Variants in EFR3A observed in about 807,000 individuals in gnomAD.
EFR3A encodes the protein EFR3 homolog A.
Under a neutral mutation model 104.4 loss-of-function variants are expected in EFR3A, and 76 were observed. The ratio of observed to expected loss-of-function variants is 0.73; its 90% CI spans 0.60 to 0.88. The LOEUF (loss-of-function observed/expected upper bound fraction) is 0.88. Ranked by LOEUF, EFR3A falls within the 40% of genes least tolerant of loss-of-function variation. The probability of loss-of-function intolerance (pLI) is 0.00; values close to 1 mark genes in which losing one functional copy is unlikely to be tolerated. For missense variants in EFR3A, 985 were observed against 1,012.5 expected (o/e 0.97, Z 0.37); for synonymous variants, 330 against 330.0 (o/e 1.00, Z 0.00).
At chr8:131,908,927 A>T (rs1816380322) in intron 1 of EFR3A, among the ~76,000 whole-genome samples, 1 of 152,256 alleles carries the variant, frequency 6.6e-6, no homozygotes, top group African/African-American at 2.4e-5. Context: ...AGTGTGTAAC[A>T]ATCAGGTCAG....
intron 1 of EFR3A, among the ~76,000 whole-genome samples, chr8:131,917,419 TG>T (rs1816793613): frequency 6.6e-6 from 1 of 152,246 alleles, no homozygotes; most frequent in South Asian, 2.1e-4. Flanking sequence ...CCTGTCCTGA[TG>T]GAGTACAGCA....
intron 7 of EFR3A, among the ~76,000 whole-genome samples, chr8:131,958,796 A>G (rs1170163369): frequency 6.6e-6 from 1 of 152,114 alleles, no homozygotes; most frequent in Non-Finnish European, 1.5e-5. Context: ...GCATGCATTA[A>G]ATGGTTTATT....
intron 1 of EFR3A, among the ~76,000 whole-genome samples, chr8:131,911,964 A>G (rs1341508002): frequency 6.6e-6 from 1 of 152,178 alleles, no homozygotes; most frequent in African/African-American, 2.4e-5. Context: ...AGTTAGAGTA[A>G]TATTTTTCAG....
chr8:131,990,739 C>T (rs1271599319), intron 18 of EFR3A, among the ~76,000 whole-genome samples: 1 of 151,838 alleles, frequency 6.6e-6, no homozygotes, highest in African/African-American at 2.4e-5. Context: ...GACAGTGGCC[C>T]ATAATAAAGA....
Position 132,012,782 on chromosome 8 carries a change from A to G in EFR3A, c.*1887A>G, listed in dbSNP as rs1367984157. On this transcript the variant is annotated 3_prime_UTR_variant, in exon 23 of 23. Transcript: ENST00000254624. Reference sequence around the variant, plus strand: ...TAATAGTATAAAAAATAAAATATATATTCATTTGCACTTACGTGAAACACA... The same window carrying G: ...TAATAGTATAAAAAATAAAATATATGTTCATTTGCACTTACGTGAAACACA... 2 of 152,310 alleles carry G rather than the reference A, an allele frequency of 1.3e-5. No homozygotes were observed. The highest frequency in any genetic ancestry group is 2.9e-5 in the Non-Finnish European group (2 of 68,006). The allele number at this position is 152,310 out of a possible 1,614,324, so 9.4% of individuals were successfully genotyped here. A position where few individuals can be genotyped will look rare whatever the true frequency, so the allele number is the denominator to read the frequency against.
intron 18 of EFR3A, among the ~76,000 whole-genome samples, chr8:131,992,590 A>G (rs1821248131): frequency 6.6e-6 from 1 of 152,218 alleles, no homozygotes; most frequent in Non-Finnish European, 1.5e-5. Flanking sequence ...TTTGTAGCTC[A>G]GAAGAAAGAG....
rs190156921 is a variant in EFR3A at position 131,950,300 on chromosome 8, G to C, written c.488+210G>C. ...TGCGGTCTTTACTGTAGCCTAGAAT[G>C]TCTCTTCATGCCCTGCTTACTCTGT... On this transcript the variant is annotated intron_variant, in intron 5 of 22. Transcript: ENST00000254624. Among the ~76,000 whole-genome samples the C allele has an allele frequency of 6.7e-3, 1,017 of 152,204 alleles. 4 individuals are homozygous for C. The highest frequency in any genetic ancestry group is 0.017 in the Middle Eastern group (5 of 292).
intron 8 of EFR3A, among the ~76,000 whole-genome samples, chr8:131,962,802 T>G (rs1819452890): frequency 6.6e-6 from 1 of 152,158 alleles, no homozygotes; most frequent in Non-Finnish European, 1.5e-5. Flanking sequence ...ATTCCAAAAT[T>G]GACCACATAG....
At chr8:131,922,400 T>A (rs1407611468) in intron 1 of EFR3A, among the ~76,000 whole-genome samples, 2 of 152,140 alleles carry the variant, frequency 1.3e-5, no homozygotes, top group African/African-American at 2.4e-5. Context: ...TTTGGAGCAA[T>A]TTGAATGTCA....
At chr8:131,944,216 C>A (rs1371377984) in intron 2 of EFR3A, among the ~76,000 whole-genome samples, 1 of 152,002 alleles carries the variant, frequency 6.6e-6, no homozygotes, top group African/African-American at 2.4e-5. Flanking sequence ...GTTTTATAAT[C>A]CCATATCAGG....
intron 3 of EFR3A, 148 bp from the exon 4 acceptor site, chr8:131,946,335 G>T: frequency 1.6e-6 from 1 of 644,276 alleles, no homozygotes; most frequent in Non-Finnish European, 2.4e-6. Context: ...TGCTGTGTGA[G>T]AATTAAGATT....
intron 16 of EFR3A, 43 bp from the exon 17 acceptor site, chr8:131,986,151 G>T (rs751093614): frequency 1.4e-5 from 15 of 1,063,016 alleles, no homozygotes; most frequent in Non-Finnish European, 1.9e-5. Context: ...GGTACTGAGG[G>T]GTAGGGTTTT....
At chr8:131,994,423 GC>G (rs1821373145) in intron 18 of EFR3A, among the ~76,000 whole-genome samples, 1 of 152,128 alleles carries the variant, frequency 6.6e-6, no homozygotes, top group Non-Finnish European at 1.5e-5. Context: ...GGCAGTCTGA[GC>G]CTGCAATATG....
At chr8:131,966,833 C>T (rs1431818297) in intron 8 of EFR3A, among the ~76,000 whole-genome samples, 9 of 152,110 alleles carry the variant, frequency 5.9e-5, no homozygotes, top group African/African-American at 2.2e-4. Flanking sequence ...TAAATGAAAC[C>T]TCAGTACACA....
intron 4 of EFR3A, among the ~76,000 whole-genome samples, chr8:131,948,947 C>T (rs1818568673): frequency 6.6e-6 from 1 of 152,002 alleles, no homozygotes; most frequent in African/African-American, 2.4e-5. Flanking sequence ...CTCAATATGA[C>T]AGTAATAGAT....
At chr8:131,919,567 G>C (rs964611395) in intron 1 of EFR3A, among the ~76,000 whole-genome samples, 2 of 141,030 alleles carry the variant, frequency 1.4e-5, no homozygotes, top group African/African-American at 5.4e-5. Flanking sequence ...CTGCACTCCA[G>C]CCTGGGCGAC....
At chr8:131,956,909 A>G (rs1054548618) in intron 7 of EFR3A, among the ~76,000 whole-genome samples, 1 of 152,118 alleles carries the variant, frequency 6.6e-6, no homozygotes, top group Non-Finnish European at 1.5e-5. Flanking sequence ...TAATATCTAG[A>G]TGTGCTGACT....
At chr8:131,944,513 G>A (rs1370072517) in intron 2 of EFR3A, among the ~76,000 whole-genome samples, 1 of 152,020 alleles carries the variant, frequency 6.6e-6, no homozygotes, top group Non-Finnish European at 1.5e-5. Context: ...AGATGTTAGA[G>A]TCTAATTCAC....
chr8:131,934,692 G>A (rs943373601), intron 1 of EFR3A, among the ~76,000 whole-genome samples: 5 of 151,520 alleles, frequency 3.3e-5, no homozygotes, highest in African/African-American at 4.8e-5. Flanking sequence ...GTGTGTGTGT[G>A]TATATTGCTC....
Sources: allele counts gnomAD v4.1 joint callset (sites outside exome capture counted in the v4.1 genomes callset), GRCh38; gene constraint gnomAD v4.1.1; transcripts MANE v1.5; gene names NCBI Gene and HGNC (gene_info 2026-07-23, HGNC 2026-07-21).